WNK1: variants seen among roughly 807,000 people sequenced by gnomAD.
WNK1 encodes WNK lysine deficient protein kinase 1.
Under a neutral mutation model 222.8 loss-of-function variants are expected in WNK1, and 38 were observed. The observed-to-expected ratio is 0.17, with a 90% CI of 0.13 to 0.22. The LOEUF (loss-of-function observed/expected upper bound fraction) is 0.22. WNK1 is among the 10% of genes least tolerant of loss of function. WNK1 has a pLI of 1.00. For synonymous variants in WNK1, 1,090 were observed against 1,092.9 expected (o/e 1.00, Z 0.05); for missense variants, 2,348 against 2,918.4 (o/e 0.80, Z 4.50).
Position 862,066 on chromosome 12 carries a change from A to G in WNK1, c.1952-17A>G. 1.2e-6 allele frequency: 2 copies of G among 1,613,044 alleles called. No homozygotes were observed. Among genetic ancestry groups the G allele is most frequent in the Non-Finnish European group, 1.7e-6 (2 of 1,179,712 alleles). ...CTTTCTCTCTCTCTTTTTTTTGGCG[A>G]TTCATTTTTCCTTCAGCTGATGGGA... On this transcript the variant is annotated splice_polypyrimidine_tract_variant and intron_variant, in intron 7 of 27. Transcript: ENST00000315939.
intron 22 of WNK1, 86 bp from the exon 23 acceptor site, chr12:894,476 T>C (rs1385473969): frequency 8.6e-7 from 1 of 1,158,180 alleles, no homozygotes; most frequent in African/African-American, 1.5e-5. Flanking sequence ...ATGTGTAGTT[T>C]GATTTTGCTG....
intron 4 of WNK1, among the ~76,000 whole-genome samples, chr12:856,841 C>A (rs1950833440): frequency 6.6e-6 from 1 of 152,210 alleles, no homozygotes; most frequent in Admixed American, 6.5e-5. Flanking sequence ...GATCTTCTAA[C>A]CAATTAGAAC....
intron 1 of WNK1, among the ~76,000 whole-genome samples, chr12:771,968 CTT>C (rs36118220): frequency 6.8e-6 from 1 of 145,986 alleles, no homozygotes. Context: ...CAGAAGCTTA[CTT>C]TTTTTTTTTG....
Position 897,549 on chromosome 12 carries a change from G to A in WNK1, c.6316G>A (p.Gly2106Ser). ...AATTGAATCTTTGTATACCAAACTG[G>A]GCAAGGTGCCCCCTGCTGTTATTAT... Reference protein sequence around the residue: ...HEIESLYTKLGKVPPAVIIPP... With the variant: ...HEIESLYTKLSKVPPAVIIPP... The change falls in exon 25 of 28, where the codon GGC becomes AGC. Residue 2106 changes from glycine (G) to serine (S), a missense_variant. Physicochemically the swap from Gly to Ser is moderately conservative, Grantham distance 56. This residue lies in a region of WNK1 where 1,144 missense variants were observed against 1,273.6 expected (regional missense o/e 0.90). Coordinates refer to ENST00000315939, the MANE Select transcript of WNK1 (RefSeq NM_018979.4). 6.2e-7 allele frequency: 1 copy of A among 1,613,480 alleles called. No individual in the cohort carries two copies. The highest frequency in any genetic ancestry group is 8.5e-7 in the Non-Finnish European group (1 of 1,179,428).
rs145701154 is a variant in WNK1, at chr12:884,842, C to A, written c.4038C>A (p.Val1346=). The change falls in exon 19 of 28, where the codon GTC becomes GTA. Residue 1346 remains valine (V), a synonymous_variant. Coordinates refer to ENST00000315939, the MANE Select transcript of WNK1 (RefSeq NM_018979.4). The surrounding 1 kb of genome is among the most constrained non-coding windows in gnomAD (Gnocchi z 5.6). The part of the protein sequence containing the change: ...VPPFLSSIAG[V]PTTAAATAPV... ...CTTTCTTAAGTAGCATTGCTGGAGT[C>A]CCAACCACAGCAGCAGCCACAGCAC... 5 of 1,614,118 alleles carry A rather than the reference C, an allele frequency of 3.1e-6. No homozygotes were observed. The highest frequency in any genetic ancestry group is 4.2e-6 in the Non-Finnish European group (5 of 1,180,008).
chr12:861,456 T>C, intron 7 of WNK1, 113 bp downstream of exon 7: 3 of 975,250 alleles, frequency 3.1e-6, no homozygotes, highest in Admixed American at 2.1e-5. Flanking sequence ...CCTACTATTA[T>C]ACAAAATTTG....
chr12:758,411 C>T (rs1394596048), intron 1 of WNK1, among the ~76,000 whole-genome samples: 1 of 91,418 alleles, frequency 1.1e-5, no homozygotes, highest in East Asian at 3.7e-4. Context: ...GACGGAGTCT[C>T]GCTCTGTCGC....
chr12:827,366 T>G lies in WNK1; in HGVS notation c.1153+104T>G. On this transcript the variant is annotated intron_variant, in intron 3 of 27. Coordinates refer to ENST00000315939, the MANE Select transcript of WNK1 (RefSeq NM_018979.4). This position sits in a 1 kb window ranked among gnomAD's most constrained non-coding sequence, Gnocchi z 4.6. ...TTAAGTGATATAAACCTTAAGAAAT[T>G]CATAGCTTGAACTCAGGAGGTGATC... is the stretch of plus-strand genomic sequence containing the variant. 2 of 1,027,242 alleles carry G rather than the reference T, an allele frequency of 1.9e-6. No individual in the cohort carries two copies. Among genetic ancestry groups the G allele is most frequent in the Non-Finnish European group, 3.0e-6 (2 of 657,872 alleles). The allele number at this position is 1,027,242 out of a possible 1,614,324, so 63.6% of individuals were successfully genotyped here.
chr12:817,089 G>GTTAAACAGTTAA (rs1160471762), intron 2 of WNK1, among the ~76,000 whole-genome samples: 1 of 152,144 alleles, frequency 6.6e-6, no homozygotes, highest in East Asian at 1.9e-4. Context: ...GAATTGAATT[G>GTTAAACAGTTAA]ACAGGAATAT....
intron 26 of WNK1, among the ~76,000 whole-genome samples, chr12:905,312 G>A (rs996677785): frequency 1.3e-5 from 2 of 152,170 alleles, no homozygotes; most frequent in African/African-American, 4.8e-5. Flanking sequence ...CCTGTATACA[G>A]AAGCCAGAAC....
rs7953912 is a variant in WNK1, at chr12:881,843, C to T, written c.3209+54C>T. 0.24 allele frequency: 388,325 copies of T among 1,612,946 alleles called. 47,444 individuals carry two copies. The highest frequency in any genetic ancestry group is 0.31 in the Middle Eastern group (1,887 of 6,060). ...GACTGGTAAATAAGACGGTATGAAA[C>T]GCCAAACTGTCAGACCTTTAAATCT... On this transcript the variant is annotated intron_variant, in intron 13 of 27. Transcript: ENST00000315939.
At chr12:849,869 C>T (rs896270514) in intron 4 of WNK1, among the ~76,000 whole-genome samples, 2 of 152,122 alleles carry the variant, frequency 1.3e-5, no homozygotes, top group Non-Finnish European at 2.9e-5. Flanking sequence ...TTTCCAGCTT[C>T]ATCCATGTCC....
At chr12:876,246 A>G (rs1163168929) in intron 9 of WNK1, among the ~76,000 whole-genome samples, 2 of 152,074 alleles carry the variant, frequency 1.3e-5, no homozygotes, top group Non-Finnish European at 2.9e-5. Context: ...CGTCTCTACT[A>G]AAAACACAAA....
rs1217022938 is a variant in WNK1 at position 879,752 on chromosome 12, G to A, written c.2553G>A (p.Val851=). 1 of 1,613,954 alleles carries A rather than the reference G, an allele frequency of 6.2e-7. No individual in the cohort carries two copies. Among genetic ancestry groups the A allele is most frequent in the Non-Finnish European group, 8.5e-7 (1 of 1,180,000 alleles). Residue 851 remains valine, a synonymous_variant, in exon 11 of 28, where the codon GTG becomes GTA. Coordinates refer to ENST00000315939, the MANE Select transcript of WNK1 (RefSeq NM_018979.4). ...AGATTCCCATATCAACTCCTCATGT[G>A]TCTACGGCTCAGACAGGTTTCTCAT... ...VSQIPISTPH[V]STAQTGFSSL...
chr12:822,087 C>CTTTTTTTTTT (rs376271992), intron 2 of WNK1, among the ~76,000 whole-genome samples: 2 of 71,430 alleles, frequency 2.8e-5, no homozygotes, highest in African/African-American at 5.4e-5. Context: ...TGTCTTATAC[C>CTTTTTTTTTT]TTTTTTTTTT....
At chr12:871,499 AAG>A (rs1555142031) in intron 9 of WNK1, 151 bp downstream of exon 9, 5 of 757,234 alleles carry the variant, frequency 6.6e-6, no homozygotes, top group Non-Finnish European at 1.1e-5. Flanking sequence ...AAAGAAAAAA[AAG>A]AGACTTTTCT....
intron 1 of WNK1, among the ~76,000 whole-genome samples, chr12:756,045 C>G (rs1357195808): frequency 3.3e-5 from 5 of 152,212 alleles, no homozygotes; most frequent in Non-Finnish European, 7.3e-5. Flanking sequence ...CAGAAATTTA[C>G]AGGTAGACAC....
intron 1 of WNK1, among the ~76,000 whole-genome samples, chr12:782,394 A>G (rs1038096708): frequency 1.3e-5 from 2 of 152,206 alleles, no homozygotes; most frequent in Non-Finnish European, 2.9e-5. Context: ...TGAGAAAACC[A>G]AGGGAACAAT....
Position 884,790 on chromosome 12 carries a change from C to G in WNK1, c.3986C>G (p.Thr1329Arg), listed in dbSNP as rs1490023753. 2 of 1,614,172 alleles carry G rather than the reference C, an allele frequency of 1.2e-6. No homozygotes were observed. The change falls in exon 19 of 28, where the codon ACA becomes AGA. Residue 1329 changes from threonine (T) to arginine (R), a missense_variant. By Grantham distance (71) the Thr-to-Arg change is moderately conservative. Transcript: ENST00000315939. The surrounding 1 kb of genome is among the most constrained non-coding windows in gnomAD (Gnocchi z 5.6). ...PNTAPPNFSH[T>R]GPTFPVVPPF... ...ACAGCACCTCCAAACTTTAGTCATA[C>G]AGGACCAACATTTCCAGTAGTACCT...
Sources: allele counts gnomAD v4.1 joint callset (sites outside exome capture counted in the v4.1 genomes callset), GRCh38; gene constraint gnomAD v4.1.1; regional missense constraint gnomAD v4.1.1; non-coding constraint Gnocchi (gnomAD v3.1); transcripts MANE v1.5; gene names NCBI Gene and HGNC (gene_info 2026-07-23, HGNC 2026-07-21).